SESN1: variants seen among roughly 807,000 people sequenced by gnomAD.
SESN1 encodes the protein sestrin 1, also known as sestrin-1.
Under a neutral mutation model 59.3 loss-of-function variants are expected in SESN1, and 30 were observed. That is an observed-to-expected ratio of 0.51 (90% CI 0.38 to 0.69). The LOEUF (loss-of-function observed/expected upper bound fraction) is 0.69, where lower values mean the gene tolerates loss of function less well. SESN1 is among the 30% of genes least tolerant of loss of function. The probability of loss-of-function intolerance (pLI) is 0.00; values close to 1 mark genes in which losing one functional copy is unlikely to be tolerated. For missense variants in SESN1, 566 were observed against 673.0 expected (o/e 0.84, Z 1.76); for synonymous variants, 197 against 219.9 (o/e 0.90, Z 0.92).
intron 1 of SESN1, among the ~76,000 whole-genome samples, chr6:109,082,866 A>C (rs1307628423): frequency 6.6e-6 from 1 of 152,214 alleles, no homozygotes; most frequent in Non-Finnish European, 1.5e-5. Context: ...TGGCAGTTTC[A>C]AGTTTGACTC....
intron 1 of SESN1, among the ~76,000 whole-genome samples, chr6:109,015,709 A>G (rs563107719): frequency 5.2e-4 from 79 of 152,340 alleles, no homozygotes; most frequent in African/African-American, 1.9e-3. Context: ...ACTTTAAGCC[A>G]TATGTTGCTA....
Position 108,987,508 on chromosome 6 carries a change from GATCATTCCAGA to G in SESN1, c.*25_*35del, listed in dbSNP as rs1230511423. ...TTCCCCCTTGTAGACTATATCTGCT[GATCATTCCAGA>G]ATCATCTTTAATGAAGGAAAGGCAT... On this transcript the variant is annotated 3_prime_UTR_variant, in exon 10 of 10. Coordinates refer to ENST00000436639, the MANE Select transcript of SESN1 (RefSeq NM_014454.3). The G allele has an allele frequency of 8.4e-7, 1 of 1,195,766 alleles. No individual in the cohort carries two copies. The highest frequency in any genetic ancestry group is 1.2e-6 in the Non-Finnish European group (1 of 803,970). The allele number at this position is 1,195,766 out of a possible 1,614,324, so 74.1% of individuals were successfully genotyped here. A position where few individuals can be genotyped will look rare whatever the true frequency, so the allele number is the denominator to read the frequency against.
At position 108,984,810 on chromosome 6, in the gene SESN1, G is replaced by A. The variant is rs1288441811; in HGVS notation, c.*2734C>T. On this transcript the variant is annotated 3_prime_UTR_variant, in exon 10 of 10. Coordinates refer to ENST00000436639, the MANE Select transcript of SESN1 (RefSeq NM_014454.3). ...CCTCTTGATCACACCATCCTCTGCT[G>A]GGGAAGAGCTAGGGTGAGCAAAATC... Among the ~76,000 whole-genome samples the A allele has an allele frequency of 6.6e-6, 1 of 152,130 alleles. No individual in the cohort carries two copies. Among genetic ancestry groups the A allele is most frequent in the Non-Finnish European group, 1.5e-5 (1 of 68,020 alleles).
At chr6:109,035,086 C>T (rs1183464502) in intron 1 of SESN1, among the ~76,000 whole-genome samples, 3 of 151,968 alleles carry the variant, frequency 2.0e-5, no homozygotes, top group African/African-American at 4.8e-5. Context: ...AGAAAAGGGG[C>T]AAGAGGATTC....
intron 1 of SESN1, among the ~76,000 whole-genome samples, chr6:109,080,836 G>A (rs553064293): frequency 6.6e-6 from 1 of 152,148 alleles, no homozygotes; most frequent in Non-Finnish European, 1.5e-5. Context: ...AACATTTTGA[G>A]AACTGACACG....
chr6:109,056,478 G>C (rs919115966), intron 1 of SESN1, among the ~76,000 whole-genome samples: 1 of 152,252 alleles, frequency 6.6e-6, no homozygotes, highest in South Asian at 2.1e-4. Flanking sequence ...TTAACTCTAC[G>C]AACAGGCAAT....
At chr6:108,998,424 G>A (rs774247205) in intron 5 of SESN1, 89 bp downstream of exon 5, 55 of 1,492,520 alleles carry the variant, frequency 3.7e-5, no homozygotes, top group African/African-American at 9.6e-5. Context: ...TTAACAGGGT[G>A]GGTTTTTCTA....
chr6:109,009,000 C>T lies in SESN1; in HGVS notation c.280-6657G>A, dbSNP rs998411619. 4.9e-6 allele frequency: 5 copies of T among 1,021,112 alleles called. No individual in the cohort carries two copies. The African/African-American group carries it at 8.5e-5, about 17-fold the overall frequency. The allele number at this position is 1,021,112 out of a possible 1,614,324, so 63.3% of individuals were successfully genotyped here. On this transcript the variant is annotated intron_variant, in intron 1 of 9. Coordinates refer to ENST00000436639, the MANE Select transcript of SESN1 (RefSeq NM_014454.3). ...CACAGGCTGTTTCACCCTCAAGACT[C>T]GAGGTCTGCTGGATTTCTGACTTGT...
At chr6:109,009,519 G>A (rs1180007552) in intron 1 of SESN1, 38 of 1,190,064 alleles carry the variant, frequency 3.2e-5, no homozygotes, top group Non-Finnish European at 3.6e-5. Context: ...AGCCGGCCGC[G>A]GCTCCTGGCT....
At position 109,025,684 on chromosome 6, in the gene SESN1, ATTAAAAC is replaced by A. The variant is rs542310149; in HGVS notation, c.280-23348_280-23342del. On this transcript the variant is annotated intron_variant, in intron 1 of 9. Transcript: ENST00000436639. ...AATGAATGAAATAGTTTTTATAATA[ATTAAAAC>A]TTAAAATTCAATAAACAGCATACTC... Among the ~76,000 whole-genome samples the A allele has an allele frequency of 9.2e-5, 14 of 152,180 alleles. No individual in the cohort carries two copies. In the East Asian group the frequency reaches 2.3e-3, roughly 25 times the overall value.
At chr6:109,028,584 AG>A (rs1239323634) in intron 1 of SESN1, among the ~76,000 whole-genome samples, 2 of 151,832 alleles carry the variant, frequency 1.3e-5, no homozygotes, top group East Asian at 3.8e-4. Context: ...GGGCAATACT[AG>A]GGGGTAAGAC....
At chr6:109,025,996 T>TA (rs1212862455) in intron 1 of SESN1, among the ~76,000 whole-genome samples, 2 of 151,162 alleles carry the variant, frequency 1.3e-5, no homozygotes, top group African/African-American at 2.4e-5. Flanking sequence ...CAGAATAACT[T>TA]AAAAAAATTA....
At chr6:108,988,919 C>T (rs1779279843) in intron 8 of SESN1, among the ~76,000 whole-genome samples, 1 of 152,168 alleles carries the variant, frequency 6.6e-6, no homozygotes, top group Non-Finnish European at 1.5e-5. Flanking sequence ...CCAAGTAAAT[C>T]ATTCCTGAAA....
chr6:109,002,607 C>T (rs1583266121), intron 1 of SESN1, among the ~76,000 whole-genome samples: 1 of 152,234 alleles, frequency 6.6e-6, no homozygotes, highest in Middle Eastern at 3.4e-3. Context: ...AAGTCTAGAA[C>T]AGAAAGTTCA....
rs1271196492 is a variant in SESN1, at chr6:109,001,325, G to A, written c.509C>T (p.Pro170Leu). The change falls in exon 3 of 10, where the codon CCG (proline) becomes CTG (leucine). Residue 170 changes from proline to leucine, a missense_variant. Physicochemically the swap from Pro to Leu is moderately conservative, Grantham distance 98 (BLOSUM62 -3). Transcript: ENST00000436639. ...GTAGTGACGATAATGTAGGGGTAACGGCCCATCCATTTGCAGTAGATAGTG... is the reference window on the plus strand; with the variant it reads ...GTAGTGACGATAATGTAGGGGTAACAGCCCATCCATTTGCAGTAGATAGTG... The part of the protein sequence containing the change: ...TQHYLLQMDG[P>L]LPLHYRHYIG... 6.2e-7 allele frequency: 1 copy of A among 1,613,724 alleles called. No homozygotes were observed. Among genetic ancestry groups the A allele is most frequent in the Non-Finnish European group, 8.5e-7 (1 of 1,179,732 alleles).
chr6:109,081,525 T>C (rs1449309090), intron 1 of SESN1, among the ~76,000 whole-genome samples: 1 of 152,210 alleles, frequency 6.6e-6, no homozygotes, highest in Non-Finnish European at 1.5e-5. Context: ...AATTATTACA[T>C]GAAAAGGGCT....
At chr6:109,029,089 T>C (rs1375707006) in intron 1 of SESN1, among the ~76,000 whole-genome samples, 4 of 152,216 alleles carry the variant, frequency 2.6e-5, no homozygotes, top group Non-Finnish European at 4.4e-5. Context: ...CTTTTCTACC[T>C]TCTCTTCTTA....
At chr6:109,021,712 T>C (rs1331929520) in intron 1 of SESN1, among the ~76,000 whole-genome samples, 3 of 152,112 alleles carry the variant, frequency 2.0e-5, no homozygotes, top group Non-Finnish European at 2.9e-5. Flanking sequence ...ACTGGGATTA[T>C]AGGCATGAGC....
At chr6:109,087,578 A>G (rs1356198393) in intron 1 of SESN1, among the ~76,000 whole-genome samples, 1 of 152,206 alleles carries the variant, frequency 6.6e-6, no homozygotes, top group East Asian at 1.9e-4. Flanking sequence ...AGTGGTATGG[A>G]AGAGAGAAGC....
Sources: gnomAD v4.1 joint callset for allele counts (sites outside exome capture counted in the v4.1 genomes callset) on GRCh38, gnomAD v4.1.1 for gene constraint, MANE v1.5 for transcripts, NCBI Gene and HGNC (gene_info 2026-07-23, HGNC 2026-07-21) for gene names.